Variants in BOK observed in about 807,000 individuals in gnomAD.
BOK encodes BCL2 family apoptosis regulator BOK.
A neutral mutation model predicts 18.3 loss-of-function variants in BOK; 20 were observed. That is an observed-to-expected ratio of 1.09 (90% CI 0.77 to 1.59). The LOEUF is 1.59. Among genes scored for constraint, BOK ranks in the 40% most tolerant of loss-of-function variants. BOK has a pLI of 0.00. For synonymous variants in BOK, 173 were observed against 142.4 expected (o/e 1.21, Z -1.53); for missense variants, 348 against 307.9 (o/e 1.13, Z -0.97).
intron 1 of BOK, among the ~76,000 whole-genome samples, chr2:241,553,364 G>C (rs10170971): frequency 0.57 from 86,840 of 151,942 alleles, 25,247 homozygotes; most frequent in African/African-American, 0.66. Context: ...GTTGGCCAGG[G>C]TGGTCTCCAA....
chr2:241,559,893 C>G (rs1023250037), intron 2 of BOK, among the ~76,000 whole-genome samples, 190 bp downstream of exon 2: 3 of 152,214 alleles, frequency 2.0e-5, no homozygotes, highest in African/African-American at 4.8e-5. Context: ...CGCCACAGGC[C>G]CCCCCATCAG....
At chr2:241,555,915 G>A (rs751002269), upstream of BOK, among the ~76,000 whole-genome samples, 49 of 152,200 alleles carry the variant, frequency 3.2e-4, no homozygotes, top group Non-Finnish European at 5.4e-4. Context: ...GCAGGAAGTT[G>A]CCTGAGGCTA....
upstream of BOK, among the ~76,000 whole-genome samples, chr2:241,555,782 T>G (rs2066446454): frequency 6.6e-6 from 1 of 152,178 alleles, no homozygotes; most frequent in Admixed American, 6.5e-5. Context: ...AGAACATGTC[T>G]ATCAATTATG....
rs1232026920 is a variant in BOK at position 241,559,426 on chromosome 2, TCCACCCG to T, written c.-29-28_-29-22del. 22 of 1,292,398 alleles carry T rather than the reference TCCACCCG, an allele frequency of 1.7e-5. No individual in the cohort carries two copies. The East Asian group carries it at 7.0e-4, about 41-fold the overall frequency. The allele number at this position is 1,292,398 out of a possible 1,614,324, so 80.1% of individuals were successfully genotyped here. A position where few individuals can be genotyped will look rare whatever the true frequency, so the allele number is the denominator to read the frequency against. ...CGCCCCGTTCCCCGCGCCGCCTCCCTCCACCCGGCTGAGCGCTTGTGCCCGCAGGTGC... is the reference window on the plus strand; with the variant it reads ...CGCCCCGTTCCCCGCGCCGCCTCCCTGCTGAGCGCTTGTGCCCGCAGGTGC... On this transcript the variant is annotated intron_variant, in intron 1 of 4. Transcript: ENST00000318407.
At chr2:241,570,012 G>C (rs1279769178) in intron 3 of BOK, 113 bp from the exon 4 acceptor site, 2 of 1,335,962 alleles carry the variant, frequency 1.5e-6, no homozygotes, top group East Asian at 5.2e-5. Flanking sequence ...GACGGTCCCT[G>C]GTCATTAGCT....
At chr2:241,561,431 A>G (rs1490787485) in intron 2 of BOK, among the ~76,000 whole-genome samples, 2 of 151,584 alleles carry the variant, frequency 1.3e-5, no homozygotes, top group Admixed American at 6.6e-5. Flanking sequence ...GTGGCCCAGG[A>G]CAGCGGCCCA....
chr2:241,569,990 G>GT (rs2066681724), intron 3 of BOK, 135 bp from the exon 4 acceptor site: 2 of 1,144,226 alleles, frequency 1.7e-6, no homozygotes, highest in Non-Finnish European at 2.4e-6. Context: ...TCAGGGAGCG[G>GT]TCCCCCCTTG....
upstream of BOK, among the ~76,000 whole-genome samples, chr2:241,555,776 C>T (rs1023341115): frequency 2.0e-4 from 30 of 152,180 alleles, no homozygotes; most frequent in African/African-American, 7.2e-4. Context: ...GGATGCAGAA[C>T]ATGTCTATCA....
intron 2 of BOK, chr2:241,560,108 C>T (rs999952955): frequency 9.1e-6 from 9 of 985,468 alleles, no homozygotes; most frequent in African/African-American, 7.0e-5. Flanking sequence ...GCCCGCTGCC[C>T]TCTGGATTCC....
In BOK at chr2:241,559,493, C is replaced by G; in HGVS notation, c.10C>G (p.Leu4Val). The G allele has an allele frequency of 6.8e-7, 1 of 1,480,324 alleles. No individual in the cohort carries two copies. The highest frequency in any genetic ancestry group is 8.9e-7 in the Non-Finnish European group (1 of 1,121,538). 91.7% of individuals were successfully genotyped at this position (1,480,324 alleles called of 1,614,324 possible). Residue 4 changes from leucine to valine, a missense_variant, in exon 2 of 5, where the codon CTG (leucine) becomes GTG (valine). Physicochemically the swap from Leu to Val is conservative, Grantham distance 32 (BLOSUM62 1). Coordinates refer to ENST00000318407, the MANE Select transcript of BOK (RefSeq NM_032515.5). MEVLRRSSVFAAEI... is the reference protein window; with the variant it reads MEVVRRSSVFAAEI... ...CACCCGCGTCGCCGCCATGGAGGTG[C>G]TGCGGCGCTCCTCGGTCTTCGCCGC... is the stretch of plus-strand genomic sequence containing the variant.
upstream of BOK, among the ~76,000 whole-genome samples, chr2:241,555,971 C>A (rs115487888): frequency 6.1e-4 from 93 of 152,300 alleles, no homozygotes; most frequent in African/African-American, 2.2e-3. Context: ...CTCCTGCCTG[C>A]AAGTACAGGC....
Position 241,562,675 on chromosome 2 carries a change from T to C in BOK, c.349+199T>C, listed in dbSNP as rs1299240653. Among the ~76,000 whole-genome samples, 1 of 152,198 alleles carries C rather than the reference T, an allele frequency of 6.6e-6. No homozygotes were observed. Among genetic ancestry groups the C allele is most frequent in the African/African-American group, 2.4e-5 (1 of 41,450 alleles). On this transcript the variant is annotated intron_variant, in intron 3 of 4. Transcript: ENST00000318407. This position sits in a 1 kb window ranked among gnomAD's most constrained non-coding sequence, Gnocchi z 4.5. ...AAACCACAGCATTCAGGGTCTCTTG[T>C]GGTTCTGCAGGCTGGTGGGCATGCT...
At chr2:241,558,447 A>G (rs962110574), upstream of BOK, among the ~76,000 whole-genome samples, 4 of 152,260 alleles carry the variant, frequency 2.6e-5, no homozygotes, top group African/African-American at 9.6e-5. Context: ...TAATCCATCT[A>G]CAATACAAAG....
chr2:241,571,544 C>A (rs904763037), intron 4 of BOK, among the ~76,000 whole-genome samples: 3 of 152,124 alleles, frequency 2.0e-5, no homozygotes, highest in Non-Finnish European at 4.4e-5. Flanking sequence ...GGGCAATGTC[C>A]CAAGATGTCG....
chr2:241,563,453 G>A (rs769403914), intron 3 of BOK, among the ~76,000 whole-genome samples: 3 of 152,198 alleles, frequency 2.0e-5, no homozygotes, highest in Non-Finnish European at 2.9e-5. Flanking sequence ...CCCTGATGTG[G>A]CACCTCCCTG....
chr2:241,558,320 T>A (rs1233929907), upstream of BOK, among the ~76,000 whole-genome samples: 1 of 152,060 alleles, frequency 6.6e-6, no homozygotes, highest in African/African-American at 2.4e-5. Context: ...GTACTAACCA[T>A]AAAGAAAATA....
intron 1 of BOK, among the ~76,000 whole-genome samples, chr2:241,553,274 C>T (rs1190508511): frequency 5.3e-5 from 8 of 152,212 alleles, no homozygotes; most frequent in Non-Finnish European, 8.8e-5. Context: ...CCTCAGCCTC[C>T]GGAGCAGCTG....
At chr2:241,572,182 ATTCCC>A (rs2066734840) in intron 4 of BOK, 110 bp from the exon 5 acceptor site, 1 of 1,466,324 alleles carries the variant, frequency 6.8e-7, no homozygotes, top group South Asian at 1.3e-5. Flanking sequence ...AGTCTCCTGC[ATTCCC>A]TTCATGCAAT....
chr2:241,560,216 C>T (rs972937807), intron 2 of BOK: 2 of 985,444 alleles, frequency 2.0e-6, no homozygotes, highest in Non-Finnish European at 2.4e-6. Flanking sequence ...TGGGGGTGCT[C>T]GGTTCTGGGG....
Sources: allele counts gnomAD v4.1 joint callset (sites outside exome capture counted in the v4.1 genomes callset), GRCh38; gene constraint gnomAD v4.1.1; non-coding constraint Gnocchi (gnomAD v3.1); transcripts MANE v1.5; gene names NCBI Gene and HGNC (gene_info 2026-07-23, HGNC 2026-07-21).